Variants in KCNH7 observed in about 807,000 individuals in gnomAD.
KCNH7 encodes voltage-gated inwardly rectifying potassium channel KCNH7.
A neutral mutation model predicts 120.8 loss-of-function variants in KCNH7; 49 were observed. That is an observed-to-expected ratio of 0.41 (90% CI 0.32 to 0.51). The LOEUF is 0.51. KCNH7 is among the 20% of genes least tolerant of loss of function. KCNH7 has a pLI of 0.38. For missense variants in KCNH7, 1,097 were observed against 1,446.6 expected (o/e 0.76, Z 3.92); for synonymous variants, 547 against 516.1 (o/e 1.06, Z -0.81).
chr2:162,641,430 C>T (rs759264068), intron 2 of KCNH7, among the ~76,000 whole-genome samples: 6 of 152,104 alleles, frequency 3.9e-5, no homozygotes, highest in Non-Finnish European at 8.8e-5. Flanking sequence ...GATTCCTAGG[C>T]CAGGTGGCAT....
At chr2:162,659,343 C>CT (rs35576044) in intron 2 of KCNH7, among the ~76,000 whole-genome samples, 14,603 of 138,320 alleles carry the variant, frequency 0.11, 838 homozygotes, top group East Asian at 0.26. Context: ...GCATATAATT[C>CT]TTTTTTTTTT....
At chr2:162,625,752 A>C (rs990249577) in intron 2 of KCNH7, among the ~76,000 whole-genome samples, 10 of 152,126 alleles carry the variant, frequency 6.6e-5, no homozygotes, top group African/African-American at 2.4e-4. Flanking sequence ...TGTATAATTT[A>C]CATTGGAAAG....
chr2:162,519,974 G>A (rs2105789725), intron 3 of KCNH7, among the ~76,000 whole-genome samples: 1 of 151,454 alleles, frequency 6.6e-6, no homozygotes, highest in African/African-American at 2.4e-5. Flanking sequence ...TTTTCTACAT[G>A]CACATATTTA....
chr2:162,688,729 A>ATT (rs1574268394), intron 2 of KCNH7, among the ~76,000 whole-genome samples: 2 of 133,854 alleles, frequency 1.5e-5, no homozygotes, highest in East Asian at 2.8e-4. Context: ...TCCTGCCCCC[A>ATT]TTCTTTTTTT....
At chr2:162,650,235 A>G (rs1341188197) in intron 2 of KCNH7, among the ~76,000 whole-genome samples, 2 of 152,198 alleles carry the variant, frequency 1.3e-5, no homozygotes, top group Non-Finnish European at 2.9e-5. Context: ...ACACTTCTCC[A>G]TGGTCAAAAA....
At chr2:162,685,662 G>A (rs949009076) in intron 2 of KCNH7, among the ~76,000 whole-genome samples, 1 of 151,616 alleles carries the variant, frequency 6.6e-6, no homozygotes, top group Non-Finnish European at 1.5e-5. Context: ...GATATATTAC[G>A]TTTTACAGCA....
At chr2:162,743,223 T>C (rs1688199749) in intron 2 of KCNH7, among the ~76,000 whole-genome samples, 1 of 152,184 alleles carries the variant, frequency 6.6e-6, no homozygotes, top group Admixed American at 6.5e-5. Flanking sequence ...TGGCCAGAGG[T>C]GACAGCCTTT....
At chr2:162,718,501 C>T (rs888024419) in intron 2 of KCNH7, among the ~76,000 whole-genome samples, 2 of 151,912 alleles carry the variant, frequency 1.3e-5, no homozygotes, top group African/African-American at 2.4e-5. Flanking sequence ...CTGTAGAGAA[C>T]ATGGTATGAA....
At chr2:162,448,143 A>G (rs1278567421) in intron 6 of KCNH7, among the ~76,000 whole-genome samples, 2 of 152,228 alleles carry the variant, frequency 1.3e-5, no homozygotes, top group African/African-American at 4.8e-5. Context: ...CAAGATACAC[A>G]CATATATAAG....
intron 2 of KCNH7, among the ~76,000 whole-genome samples, chr2:162,677,792 T>C (rs1685576079): frequency 6.6e-6 from 1 of 151,472 alleles, no homozygotes. Flanking sequence ...TTTGTGGGAA[T>C]CTTAGTTGCT....
chr2:162,403,915 T>C (rs1687133647), intron 9 of KCNH7, among the ~76,000 whole-genome samples: 1 of 151,940 alleles, frequency 6.6e-6, no homozygotes, highest in Admixed American at 6.6e-5. Flanking sequence ...TAGAAGTACA[T>C]TGAAAAAAGT....
chr2:162,581,491 GGAGGT>G (rs1284270774), intron 2 of KCNH7, among the ~76,000 whole-genome samples: 7 of 152,152 alleles, frequency 4.6e-5, no homozygotes, highest in African/African-American at 1.7e-4. Context: ...ACATTCGTTT[GGAGGT>G]GAGAGCTTAT....
At chr2:162,636,961 C>G (rs1161081519) in intron 2 of KCNH7, among the ~76,000 whole-genome samples, 2 of 152,082 alleles carry the variant, frequency 1.3e-5, no homozygotes, top group Non-Finnish European at 2.9e-5. Flanking sequence ...TTGCCACCAC[C>G]CTCCCCACCA....
intron 14 of KCNH7, among the ~76,000 whole-genome samples, chr2:162,375,223 T>C (rs73014829): frequency 0.084 from 12,829 of 152,222 alleles, 1,752 homozygotes; most frequent in African/African-American, 0.29. Context: ...CTTACAACAA[T>C]GTTTATTACA....
Position 162,624,889 on chromosome 2 carries a change from GTTTTTTTTTTTTTTTT to G in KCNH7, c.308-87825_308-87810del, listed in dbSNP as rs66562676. ...CATGGTGGTTAAACGTGCACTCTTG[GTTTTTTTTTTTTTTTT>G]TTTTTTTTTGAGATGGAGTTTCGCT... On this transcript the variant is annotated intron_variant, in intron 2 of 15. Coordinates refer to ENST00000332142, the MANE Select transcript of KCNH7 (RefSeq NM_033272.4). 6.5e-4 allele frequency among the ~76,000 whole-genome samples: 45 copies of G among 69,740 alleles called. 1 individual carries two copies. In the South Asian group the frequency reaches 0.029, roughly 45 times the overall value. 45.8% of individuals were successfully genotyped at this position (69,740 alleles called of 152,430 possible). A position where few individuals can be genotyped will look rare whatever the true frequency, so the allele number is the denominator to read the frequency against.
intron 2 of KCNH7, among the ~76,000 whole-genome samples, chr2:162,740,067 T>C (rs2105408034): frequency 6.6e-6 from 1 of 152,170 alleles, no homozygotes; most frequent in African/African-American, 2.4e-5. Flanking sequence ...CCTGGGGTGG[T>C]TCTAGTTCCA....
At chr2:162,540,589 A>T (rs1319199447) in intron 2 of KCNH7, among the ~76,000 whole-genome samples, 1 of 152,046 alleles carries the variant, frequency 6.6e-6, no homozygotes, top group Non-Finnish European at 1.5e-5. Flanking sequence ...GTCTTTGAGG[A>T]ATAGCATAGA....
chr2:162,830,273 C>T (rs1268907327), intron 2 of KCNH7, among the ~76,000 whole-genome samples: 2 of 152,048 alleles, frequency 1.3e-5, no homozygotes, highest in African/African-American at 2.4e-5. Flanking sequence ...CTAAACAGAG[C>T]CTCAGTAGAA....
rs78290365 is a variant in KCNH7, at chr2:162,715,245, G to T, written c.307+121292C>A. Among the ~76,000 whole-genome samples, 341 of 152,234 alleles carry T rather than the reference G, an allele frequency of 2.2e-3. 1 individual carries two copies. The highest frequency in any genetic ancestry group is 7.7e-3 in the African/African-American group (320 of 41,534). On this transcript the variant is annotated intron_variant, in intron 2 of 15. Transcript: ENST00000332142. ...TTACAATCATGGCAGAAAGTGAAGTGGGAATAGGCATTTCACATGGCAAAA... is the reference window on the plus strand; with the variant it reads ...TTACAATCATGGCAGAAAGTGAAGTTGGAATAGGCATTTCACATGGCAAAA...
Sources: gnomAD v4.1 joint callset for allele counts (sites outside exome capture counted in the v4.1 genomes callset) on GRCh38, gnomAD v4.1.1 for gene constraint, MANE v1.5 for transcripts, NCBI Gene and HGNC (gene_info 2026-07-23, HGNC 2026-07-21) for gene names.